The following NUMA1 variants were observed in gnomAD, a reference collection of about 807,000 sequenced individuals.
NUMA1 encodes the protein nuclear mitotic apparatus protein 1.
Under a neutral mutation model 237.1 loss-of-function variants are expected in NUMA1, and 62 were observed. The ratio of observed to expected loss-of-function variants is 0.26; its 90% CI spans 0.21 to 0.32. The LOEUF (loss-of-function observed/expected upper bound fraction) is 0.32. Among genes scored for constraint, NUMA1 ranks in the 10% least tolerant of loss-of-function variants. The pLI is 1.00. For synonymous variants in NUMA1, 1,028 were observed against 1,066.1 expected (o/e 0.96, Z 0.70); for missense variants, 2,533 against 2,666.5 (o/e 0.95, Z 1.10).
At position 72,068,715 on chromosome 11, in the gene NUMA1, C is replaced by T. The variant is rs1400303301; in HGVS notation, c.-33+1127G>A. On this transcript the variant is annotated intron_variant, in intron 2 of 26. Transcript: ENST00000393695. Reference sequence around the variant, plus strand: ...GCACAGTCACTATAAAGGAAAGTGACTTGTTTTCCAGCAGACATTTCTAAT... The same window carrying T: ...GCACAGTCACTATAAAGGAAAGTGATTTGTTTTCCAGCAGACATTTCTAAT... 3.3e-5 allele frequency: 5 copies of T among 152,290 alleles called. No individual in the cohort carries two copies. In the East Asian group the frequency reaches 7.7e-4, roughly 23 times the overall value. 9.4% of individuals were successfully genotyped at this position (152,290 alleles called of 1,614,324 possible). A position where few individuals can be genotyped will look rare whatever the true frequency, so the allele number is the denominator to read the frequency against.
chr11:72,016,173 C>G lies in NUMA1; in HGVS notation c.1330G>C (p.Gly444Arg). The G allele has an allele frequency of 6.2e-7, 1 of 1,613,710 alleles. No homozygotes were observed. Among genetic ancestry groups the G allele is most frequent in the South Asian group, 1.1e-5 (1 of 91,084 alleles). Residue 444 changes from glycine to arginine, a missense_variant, in exon 15 of 27, where the codon GGC (glycine) becomes CGC (arginine). Gly to Arg is a moderately radical substitution (Grantham distance 125, BLOSUM62 -2). This residue lies in a region of NUMA1 where 1,414 missense variants were observed against 1,508.1 expected (regional missense o/e 0.94). Coordinates refer to ENST00000393695, the MANE Select transcript of NUMA1 (RefSeq NM_006185.4). ...GCAAGCAGCTTGGCTTCCTGCTGGC[C>G]TCGCTCAGTCTCCAGCATCTCTACC... ...ARVEMLETER[G>R]QQEAKLLAER...
In NUMA1 at chr11:72,012,411, T is replaced by C. The variant is rs750051484; in HGVS notation, c.4640A>G (p.Gln1547Arg). The change falls in exon 16 of 27, where the codon CAA becomes CGA. Residue 1547 changes from glutamine to arginine, a missense_variant. Gln to Arg is a conservative substitution (Grantham distance 43). Coordinates refer to ENST00000393695, the MANE Select transcript of NUMA1 (RefSeq NM_006185.4). Reference sequence around the variant, plus strand: ...GACCTCAGGCATTACCTGCTTAGTTTGCTCTCTCTGAAATACCTCTAGCTG... The same window carrying C: ...GACCTCAGGCATTACCTGCTTAGTTCGCTCTCTCTGAAATACCTCTAGCTG... ...VEQLEVFQRE[Q>R]TKQVEELSKK... The C allele has an allele frequency of 9.9e-6, 16 of 1,613,084 alleles. No homozygotes were observed. The highest frequency in any genetic ancestry group is 5.0e-5 in the Admixed American group (3 of 59,950).
chr11:72,038,650 C>G (rs926773437), intron 2 of NUMA1, among the ~76,000 whole-genome samples: 4 of 152,020 alleles, frequency 2.6e-5, no homozygotes, highest in Non-Finnish European at 5.9e-5. Flanking sequence ...CCACCCTCCC[C>G]CTGAAATCTG....
rs949497159 is a variant in NUMA1 at position 72,003,651 on chromosome 11, T to C, written c.6337-113A>G. The C allele has an allele frequency of 2.1e-6, 3 of 1,403,220 alleles. No homozygotes were observed. In the Admixed American group the frequency reaches 5.2e-5, roughly 24 times the overall value. The allele number at this position is 1,403,220 out of a possible 1,614,324, so 86.9% of individuals were successfully genotyped here. On this transcript the variant is annotated intron_variant, in intron 26 of 26. Transcript: ENST00000393695. ...GCCCCTGTCTGGATCCCCTCCCTTG[T>C]GAGCCCCAGGGTTATCAGTTGCTGG...
intron 17 of NUMA1, 59 bp from the exon 18 acceptor site, chr11:72,009,446 C>A: frequency 6.6e-7 from 1 of 1,525,254 alleles, no homozygotes; most frequent in Non-Finnish European, 8.7e-7. Flanking sequence ...GTCCGCTTAT[C>A]TGCACCAGCC....
Position 72,019,537 on chromosome 11 carries a change from A to G in NUMA1, c.541T>C (p.Phe181Leu). ...GAGGCAACCTTCTGTAGCTCTAGGAAGCGAATCTCCCTCTTGGCCTGGTGG... is the reference window on the plus strand; with the variant it reads ...GAGGCAACCTTCTGTAGCTCTAGGAGGCGAATCTCCCTCTTGGCCTGGTGG... ...PSHQAKREIR[F>L]LELQKVASSS... Residue 181 changes from phenylalanine to leucine, a missense_variant, in exon 9 of 27, where the codon TTC becomes CTC. Phe to Leu is a conservative substitution (Grantham distance 22, BLOSUM62 0). Coordinates refer to ENST00000393695, the MANE Select transcript of NUMA1 (RefSeq NM_006185.4). The G allele has an allele frequency of 1.2e-6, 2 of 1,613,980 alleles. No homozygotes were observed. Among genetic ancestry groups the G allele is most frequent in the East Asian group, 2.2e-5 (1 of 44,878 alleles).
chr11:72,026,808 C>T (rs550719371), intron 4 of NUMA1, among the ~76,000 whole-genome samples: 65 of 152,230 alleles, frequency 4.3e-4, no homozygotes, highest in African/African-American at 1.5e-3. Flanking sequence ...GCACCAGTAG[C>T]GGTATCAGAA....
At chr11:72,005,962 C>T in intron 22 of NUMA1, 73 bp downstream of exon 22, 1 of 1,269,802 alleles carries the variant, frequency 7.9e-7, no homozygotes, top group Non-Finnish European at 1.1e-6. Flanking sequence ...AAAAAGCTTT[C>T]CTCTTTTCCC....
chr11:72,007,495 C>T lies in NUMA1; in HGVS notation c.5217-60G>A, dbSNP rs925761595. On this transcript the variant is annotated intron_variant, in intron 20 of 26. Transcript: ENST00000393695. ...CACGCTAGAAGGCATTTTGTCCAGC[C>T]CTTTTTGAAAGTGACCATTTCCCAT... 4.6e-5 allele frequency: 73 copies of T among 1,588,350 alleles called. No individual in the cohort carries two copies. The South Asian group carries it at 7.6e-4, about 17-fold the overall frequency.
chr11:72,033,054 CTAACA>C (rs1370308692), intron 3 of NUMA1, among the ~76,000 whole-genome samples: 4 of 152,112 alleles, frequency 2.6e-5, no homozygotes, highest in African/African-American at 4.8e-5. Context: ...ACTCTTCTCA[CTAACA>C]TAACAGATGC....
chr11:72,035,959 C>G lies in NUMA1; in HGVS notation c.-16G>C. 1 of 1,613,668 alleles carries G rather than the reference C, an allele frequency of 6.2e-7. No homozygotes were observed. The highest frequency in any genetic ancestry group is 8.5e-7 in the Non-Finnish European group (1 of 1,179,636). Reference sequence around the variant, plus strand: ...GGAGTGTCATCTTGGTGATGCCAGACAGTCACTCCAATGCGCCTGGAACCC... The same window carrying G: ...GGAGTGTCATCTTGGTGATGCCAGAGAGTCACTCCAATGCGCCTGGAACCC... On this transcript the variant is annotated 5_prime_UTR_variant, in exon 3 of 27. Transcript: ENST00000393695.
intron 2 of NUMA1, among the ~76,000 whole-genome samples, chr11:72,044,451 C>T (rs1017350441): frequency 2.6e-5 from 4 of 152,050 alleles, no homozygotes; most frequent in African/African-American, 9.7e-5. Flanking sequence ...GGTATTCTGC[C>T]TGGAGCAGGA....
intron 3 of NUMA1, among the ~76,000 whole-genome samples, chr11:72,032,228 A>G (rs1940435183): frequency 1.3e-5 from 2 of 152,268 alleles, no homozygotes; most frequent in South Asian, 4.1e-4. Context: ...GTGAAATAAA[A>G]TATGACTTAT....
At chr11:72,048,840 T>C (rs1302435182) in intron 2 of NUMA1, among the ~76,000 whole-genome samples, 2 of 152,112 alleles carry the variant, frequency 1.3e-5, no homozygotes, top group African/African-American at 2.4e-5. Flanking sequence ...ATGTTGGCAG[T>C]GTCTCAAGGG....
intron 2 of NUMA1, among the ~76,000 whole-genome samples, chr11:72,043,298 C>G (rs1941802868): frequency 6.7e-6 from 1 of 149,686 alleles, no homozygotes; most frequent in Non-Finnish European, 1.5e-5. Flanking sequence ...CCTGTTTCTA[C>G]CAAAAAATAC....
intron 3 of NUMA1, among the ~76,000 whole-genome samples, chr11:72,031,555 G>A (rs1940312764): frequency 6.6e-6 from 1 of 152,186 alleles, no homozygotes; most frequent in East Asian, 1.9e-4. Flanking sequence ...AGCACTTGGG[G>A]AGGCTGAGGT....
intron 2 of NUMA1, among the ~76,000 whole-genome samples, chr11:72,037,998 T>C (rs1406758016): frequency 6.6e-6 from 1 of 152,160 alleles, no homozygotes; most frequent in Non-Finnish European, 1.5e-5. Flanking sequence ...GGGACCACAC[T>C]TGGCTCTGTG....
At chr11:72,027,329 T>G (rs1231798028) in intron 4 of NUMA1, among the ~76,000 whole-genome samples, 1 of 152,162 alleles carries the variant, frequency 6.6e-6, no homozygotes, top group East Asian at 1.9e-4. Flanking sequence ...GATCTATCAC[T>G]TCCTTAGGGT....
intron 7 of NUMA1, among the ~76,000 whole-genome samples, chr11:72,021,796 T>C (rs1463255065): frequency 6.6e-6 from 1 of 152,220 alleles, no homozygotes; most frequent in Non-Finnish European, 1.5e-5. Context: ...ATATTTTTTG[T>C]TGAGACAGGG....
Sources: gnomAD v4.1 joint callset for allele counts (sites outside exome capture counted in the v4.1 genomes callset) on GRCh38, gnomAD v4.1.1 for gene constraint, gnomAD v4.1.1 regional missense constraint, MANE v1.5 for transcripts, NCBI Gene and HGNC (gene_info 2026-07-23, HGNC 2026-07-21) for gene names.